KLHL13: variants seen among roughly 807,000 people sequenced by gnomAD.
The protein encoded by KLHL13 is kelch-like protein 13.
In KLHL13, 10 loss-of-function variants were observed where a neutral mutation model predicts 37.1. That is an observed-to-expected ratio of 0.27 (90% CI 0.17 to 0.46). KLHL13 has a LOEUF of 0.46. Ranked by LOEUF, KLHL13 falls within the 20% of genes least tolerant of loss-of-function variation. The probability of loss-of-function intolerance (pLI) is 1.00; values close to 1 mark genes in which losing one functional copy is unlikely to be tolerated. For missense variants in KLHL13, 360 were observed against 509.3 expected (o/e 0.71, Z 2.82); for synonymous variants, 163 against 181.2 (o/e 0.90, Z 0.81).
chrX:118,016,095 A>G (rs745873663), intron 1 of KLHL13, among the ~76,000 whole-genome samples: 4 of 112,417 alleles, frequency 3.6e-5, no homozygotes, highest in Non-Finnish European at 7.5e-5. Flanking sequence ...AGTTAATCAC[A>G]TATGTGTTTC....
exon 1 of KLHL13, chrX:117,972,764 G>A (rs760182769): frequency 4.6e-5 from 56 of 1,209,526 alleles, no homozygotes; most frequent in Non-Finnish European, 5.9e-5. Flanking sequence ...TGACCTGGAT[G>A]TTTTAAGCAC....
intron 1 of KLHL13, among the ~76,000 whole-genome samples, chrX:118,008,215 T>C (rs1202113300): frequency 1.8e-5 from 2 of 111,773 alleles, no homozygotes; most frequent in Non-Finnish European, 3.8e-5. Context: ...GTAACTGTGT[T>C]TGCTGGGAAG....
At chrX:118,111,697 C>G (rs192225817) in intron 1 of KLHL13, among the ~76,000 whole-genome samples, 7 of 112,457 alleles carry the variant, frequency 6.2e-5, no homozygotes, top group African/African-American at 2.3e-4. Flanking sequence ...TCGAGACCAT[C>G]CTGGCTAACA....
chrX:118,008,088 C>A (rs1213057238), intron 1 of KLHL13, among the ~76,000 whole-genome samples: 1 of 111,445 alleles, frequency 9.0e-6, no homozygotes, highest in Non-Finnish European at 1.9e-5. Flanking sequence ...CACATTAAGG[C>A]TCTGAATTAT....
chrX:117,930,242 G>GAGGAAGGGAGGAAGGA (rs1932346679), intron 2 of KLHL13, among the ~76,000 whole-genome samples: 1 of 63,022 alleles, frequency 1.6e-5, no homozygotes, highest in Non-Finnish European at 2.8e-5. Context: ...GGAAGGAAGG[G>GAGGAAGGGAGGAAGGA]AGGAAGGAAG....
chrX:118,089,882 C>T (rs1320196646), intron 1 of KLHL13, among the ~76,000 whole-genome samples: 3 of 109,736 alleles, frequency 2.7e-5, no homozygotes, highest in African/African-American at 1.0e-4. Flanking sequence ...AGTTCGAGAC[C>T]AGCCTTGCCA....
intron 1 of KLHL13, among the ~76,000 whole-genome samples, chrX:118,111,522 C>G (rs2055409086): frequency 8.9e-6 from 1 of 112,425 alleles, no homozygotes; most frequent in South Asian, 3.6e-4. Flanking sequence ...CTTTGGGAGC[C>G]CGAGGTGGGT....
At chrX:117,986,456 T>G (rs1043061994) in intron 1 of KLHL13, among the ~76,000 whole-genome samples, 12 of 111,737 alleles carry the variant, frequency 1.1e-4, no homozygotes, top group Non-Finnish European at 2.1e-4. Context: ...AAAACAGGTT[T>G]GGATTTTATC....
chrX:118,091,447 T>C (rs1247292418), intron 1 of KLHL13, among the ~76,000 whole-genome samples: 1 of 110,597 alleles, frequency 9.0e-6, no homozygotes, highest in African/African-American at 3.3e-5. Flanking sequence ...ATAGAAGATA[T>C]AAAGAAGAAC....
intron 1 of KLHL13, among the ~76,000 whole-genome samples, chrX:117,958,049 T>C (rs1280529329): frequency 1.8e-5 from 2 of 111,658 alleles, no homozygotes; most frequent in Non-Finnish European, 3.8e-5. Context: ...TCATGGTATT[T>C]CTCAGCAACA....
chrX:118,117,330 T>C (rs1393561187), upstream of KLHL13: 1 of 111,793 alleles, frequency 8.9e-6, no homozygotes, highest in Non-Finnish European at 1.9e-5. Context: ...CACACAAATA[T>C]CACTCTTCTA....
At chrX:117,956,833 G>A (rs771560353) in intron 1 of KLHL13, among the ~76,000 whole-genome samples, 2 of 111,680 alleles carry the variant, frequency 1.8e-5, no homozygotes, top group Admixed American at 1.9e-4. Context: ...TGAGATACTT[G>A]TTGAAGCAAT....
intron 2 of KLHL13, among the ~76,000 whole-genome samples, chrX:117,939,097 C>CA (rs1197168215): frequency 1.8e-5 from 2 of 110,251 alleles, no homozygotes; most frequent in Non-Finnish European, 3.8e-5. Flanking sequence ...CCTAGCCCCC[C>CA]ACCCCCTGAA....
intron 1 of KLHL13, among the ~76,000 whole-genome samples, chrX:118,069,147 A>ACC (rs1555998524): frequency 9.5e-6 from 1 of 105,556 alleles, no homozygotes; most frequent in Non-Finnish European, 1.9e-5. Context: ...ACACACACAC[A>ACC]CCCTCACCTG....
intron 1 of KLHL13, among the ~76,000 whole-genome samples, chrX:118,006,936 T>C (rs1454836338): frequency 1.8e-5 from 2 of 111,453 alleles, no homozygotes; most frequent in Non-Finnish European, 3.8e-5. Context: ...CCCCTTCATA[T>C]CACATGAGTA....
At chrX:118,073,344 G>A (rs5956867) in intron 1 of KLHL13, among the ~76,000 whole-genome samples, 6,923 of 110,439 alleles carry the variant, frequency 0.063, 563 homozygotes, top group African/African-American at 0.21. Flanking sequence ...GCTTGTGCAG[G>A]GAAACTCCCC....
chrX:118,091,350 T>G lies in KLHL13; in HGVS notation c.-56+25158A>C, dbSNP rs746783643. Reference sequence around the variant, plus strand: ...GAATTATCTGACAAAGATTTTAAAGTAGCCATCATAAAAATGCTTCATTGA... The same window carrying G: ...GAATTATCTGACAAAGATTTTAAAGGAGCCATCATAAAAATGCTTCATTGA... On this transcript the variant is annotated intron_variant, in intron 1 of 6. Coordinates refer to the KLHL13 transcript ENST00000371882. Among the ~76,000 whole-genome samples the G allele has an allele frequency of 9.9e-5, 11 of 111,628 alleles. No homozygotes were observed. In the East Asian group the frequency reaches 3.1e-3, roughly 31 times the overall value.
At chrX:117,982,022 T>C (rs774915200) in intron 1 of KLHL13, among the ~76,000 whole-genome samples, 96 of 110,706 alleles carry the variant, frequency 8.7e-4, no homozygotes, top group African/African-American at 3.1e-3. Context: ...AGAAAGGAGA[T>C]ACATGCTCAG....
At chrX:117,906,527 G>C (rs760125750) in intron 5 of KLHL13, among the ~76,000 whole-genome samples, 8 of 111,053 alleles carry the variant, frequency 7.2e-5, no homozygotes, top group Non-Finnish European at 1.5e-4. Flanking sequence ...GAACTCAAAG[G>C]GGGTGGAGTG....
Sources: allele counts gnomAD v4.1 joint callset (sites outside exome capture counted in the v4.1 genomes callset), GRCh38; gene constraint gnomAD v4.1.1; transcripts MANE v1.5; gene names NCBI Gene and HGNC (gene_info 2026-07-23, HGNC 2026-07-21).